Variants in TJP2 observed in about 807,000 individuals in gnomAD.
The protein encoded by TJP2 is Friedreich ataxia region gene X104 (tight junction protein ZO-2).
In TJP2, 91 loss-of-function variants were observed where a neutral mutation model predicts 133.1. The ratio of observed to expected loss-of-function variants is 0.68; its 90% confidence interval spans 0.58 to 0.81. The LOEUF (loss-of-function observed/expected upper bound fraction) is 0.81, where lower values mean the gene tolerates loss of function less well. Ranked by LOEUF, TJP2 falls within the 40% of genes least tolerant of loss-of-function variation. The probability of loss-of-function intolerance (pLI) is 0.00; values close to 1 mark genes in which losing one functional copy is unlikely to be tolerated. For synonymous variants in TJP2, 592 were observed against 583.4 expected, an observed-to-expected ratio of 1.01 and a Z score of -0.21; for missense variants, 1,541 against 1,565.6, an observed-to-expected ratio of 0.98 and a Z score of 0.26.
At chr9:69,132,888 C>T (rs1365455519) in intron 1 of TJP2, among the ~76,000 whole-genome samples, 10 of 152,226 alleles carry the variant, frequency 6.6e-5, no homozygotes, top group Non-Finnish European at 1.3e-4. Context: ...TACTTATTAC[C>T]TGTGTGCCTT....
intron 1 of TJP2, among the ~76,000 whole-genome samples, chr9:69,211,336 C>CAAACA (rs962921858): frequency 2.6e-4 from 39 of 152,174 alleles, no homozygotes; most frequent in Non-Finnish European, 3.8e-4. Flanking sequence ...GACTCCGTCT[C>CAAACA]AAACAAAACA....
chr9:69,215,392 T>A (rs2309426), intron 2 of TJP2, among the ~76,000 whole-genome samples: 2 of 150,364 alleles, frequency 1.3e-5, no homozygotes, highest in African/African-American at 4.9e-5. Flanking sequence ...AAGTTGTGGT[T>A]TTTTTTTTTT....
chr9:69,191,817 A>G (rs749214709), intron 1 of TJP2, among the ~76,000 whole-genome samples: 1 of 151,580 alleles, frequency 6.6e-6, no homozygotes, highest in African/African-American at 2.4e-5. Context: ...GCTCATTGCA[A>G]CCTCCACCTC....
chr9:69,192,003 G>T (rs997211572), intron 1 of TJP2, among the ~76,000 whole-genome samples: 9 of 152,096 alleles, frequency 5.9e-5, no homozygotes, highest in Admixed American at 2.6e-4. Context: ...CTCCCAAAGT[G>T]CTGGGATTAC....
rs1831300298 is a variant in TJP2 at position 69,251,132 on chromosome 9, C to T, written c.3089C>T (p.Ala1030Val). ...GTTGCTGGTAATGAAACTCCTGGGGCATCTACCAAAGGTTATCCTCCTCCT... is the reference window on the plus strand; with the variant it reads ...GTTGCTGGTAATGAAACTCCTGGGGTATCTACCAAAGGTTATCCTCCTCCT... ...SAVAGNETPG[A>V]STKGYPPPVA... Residue 1030 changes from alanine (A) to valine (V), a missense_variant, in exon 21 of 23, where the codon GCA (alanine) becomes GTA (valine). Coordinates refer to ENST00000377245, the MANE Select transcript of TJP2 (RefSeq NM_004817.4). 6.2e-7 allele frequency: 1 copy of T among 1,614,028 alleles called. No individual in the cohort carries two copies. Among genetic ancestry groups the T allele is most frequent in the South Asian group, 1.1e-5 (1 of 91,080 alleles).
At position 69,230,130 on chromosome 9, in the gene TJP2, C is replaced by T. The variant is rs750197439; in HGVS notation, c.1569C>T (p.Leu523=). The part of the protein sequence containing the change: ...VRFKKGDSVG[L]RLAGGNDVGI... ...TCAAGAAGGGAGACAGCGTGGGCCTCCGGTTGGCTGGTGGCAATGATGTCG... is the reference window on the plus strand; with the variant it reads ...TCAAGAAGGGAGACAGCGTGGGCCTTCGGTTGGCTGGTGGCAATGATGTCG... Residue 523 remains leucine (L), a synonymous_variant, in exon 11 of 23, where the codon CTC becomes CTT. Coordinates refer to ENST00000377245, the MANE Select transcript of TJP2 (RefSeq NM_004817.4). 1.9e-6 allele frequency: 3 copies of T among 1,614,168 alleles called. No homozygotes were observed. The highest frequency in any genetic ancestry group is 4.5e-5 in the East Asian group (2 of 44,892).
Position 69,233,778 on chromosome 9 carries a change from A to AG in TJP2, c.1672-661_1672-660insG, listed in dbSNP as rs1829964571. Among the ~76,000 whole-genome samples, 3 of 150,846 alleles carry AG rather than the reference A, an allele frequency of 2.0e-5. 1 individual carries two copies. Among genetic ancestry groups the AG allele is most frequent in the Admixed American group, 2.0e-4 (3 of 15,102 alleles). On this transcript the variant is annotated intron_variant, in intron 11 of 22. Transcript: ENST00000377245. The stretch of plus-strand genomic sequence containing the variant: ...GGCGACAGAGGGAGACTACATCTCA[A>AG]AAAAAAAAACCACATAGCACTATGA...
At position 69,130,458 on chromosome 9, in the gene TJP2, G is replaced by A. The variant is rs138179546; in HGVS notation, c.-131+8733G>A. On this transcript the variant is annotated intron_variant, in intron 1 of 5. Transcript: ENST00000423935. ...AAGGCTTGTCAAAATACAGATTGCA[G>A]GCCCCCCTCCTGGAGTTTCTGATTG... is the stretch of plus-strand genomic sequence containing the variant. 3.0e-3 allele frequency among the ~76,000 whole-genome samples: 461 copies of A among 152,290 alleles called. 2 individuals are homozygous for A. Among genetic ancestry groups the A allele is most frequent in the African/African-American group, 0.011 (437 of 41,572 alleles).
At chr9:69,177,479 A>G (rs1160519141) in intron 1 of TJP2, among the ~76,000 whole-genome samples, 1 of 152,156 alleles carries the variant, frequency 6.6e-6, no homozygotes, top group Non-Finnish European at 1.5e-5. Flanking sequence ...TTTTGCAATC[A>G]GCCTTTTTAG....
chr9:69,196,265 T>C (rs1826552712), intron 1 of TJP2, among the ~76,000 whole-genome samples: 1 of 152,242 alleles, frequency 6.6e-6, no homozygotes, highest in Admixed American at 6.5e-5. Context: ...AGTTAGAATC[T>C]GTCCTCTGCC....
At chr9:69,220,549 A>G (rs1014916117) in intron 4 of TJP2, among the ~76,000 whole-genome samples, 2 of 152,208 alleles carry the variant, frequency 1.3e-5, no homozygotes, top group Non-Finnish European at 1.5e-5. Flanking sequence ...CTTGGCAGCT[A>G]TGTATAGAAT....
upstream of TJP2, among the ~76,000 whole-genome samples, chr9:69,169,569 A>G (rs1824565755): frequency 6.6e-6 from 1 of 152,086 alleles, no homozygotes. Context: ...CATGTTAGTC[A>G]GGGTGGTCTC....
chr9:69,169,374 G>GT (rs1002597514), upstream of TJP2, among the ~76,000 whole-genome samples: 1 of 149,322 alleles, frequency 6.7e-6, no homozygotes, highest in African/African-American at 2.5e-5. Flanking sequence ...TTTTTTGGGG[G>GT]GGGGATGGAG....
chr9:69,150,020 C>A (rs1488656272), intron 1 of TJP2, among the ~76,000 whole-genome samples: 1 of 151,836 alleles, frequency 6.6e-6, no homozygotes, highest in African/African-American at 2.4e-5. Context: ...CGTGGTGGCA[C>A]GTGCCTGTAA....
At chr9:69,203,618 T>TC (rs1827171240) in intron 1 of TJP2, among the ~76,000 whole-genome samples, 1 of 134,950 alleles carries the variant, frequency 7.4e-6, no homozygotes, top group Non-Finnish European at 1.6e-5. Flanking sequence ...TTTTTTTTTT[T>TC]TTTTTTTTTT....
At position 69,184,672 on chromosome 9, in the gene TJP2, G is replaced by A. The variant is rs138356988; in HGVS notation, c.60+10240G>A. Among the ~76,000 whole-genome samples, 192 of 152,136 alleles carry A rather than the reference G, an allele frequency of 1.3e-3. 1 individual carries two copies. The South Asian group carries it at 0.028, about 23-fold the overall frequency. On this transcript the variant is annotated intron_variant, in intron 1 of 22. Transcript: ENST00000377245. ...GTTGCTTTGAGGTGCTCAGTAAATGGCAGTGGTTATAATTTATTATTTTCA... is the reference window on the plus strand; with the variant it reads ...GTTGCTTTGAGGTGCTCAGTAAATGACAGTGGTTATAATTTATTATTTTCA...
In TJP2 at chr9:69,248,244, G is replaced by T; in HGVS notation, c.2880+20G>T. 1 of 1,570,248 alleles carries T rather than the reference G, an allele frequency of 6.4e-7. No individual in the cohort carries two copies. Among genetic ancestry groups the T allele is most frequent in the Non-Finnish European group, 8.7e-7 (1 of 1,155,996 alleles). On this transcript the variant is annotated intron_variant, in intron 19 of 22. Transcript: ENST00000377245. ...GAGGAGGTGAGGCGAGGCAGGCCACGGGCAGGAACAGGAGAGCCTGGTGTT... is the reference window on the plus strand; with the variant it reads ...GAGGAGGTGAGGCGAGGCAGGCCACTGGCAGGAACAGGAGAGCCTGGTGTT...
intron 2 of TJP2, among the ~76,000 whole-genome samples, chr9:69,154,703 G>T (rs906349060): frequency 2.0e-5 from 3 of 149,486 alleles, no homozygotes; most frequent in Non-Finnish European, 4.5e-5. Flanking sequence ...GGCAGGAGGA[G>T]CCCTTGAGCC....
intron 2 of TJP2, among the ~76,000 whole-genome samples, chr9:69,168,336 G>T (rs1824470364): frequency 6.6e-6 from 1 of 152,090 alleles, no homozygotes; most frequent in Non-Finnish European, 1.5e-5. Context: ...CAATTCACAG[G>T]TCTATTATTT....
Sources: gnomAD v4.1 joint callset for allele counts (sites outside exome capture counted in the v4.1 genomes callset) on GRCh38, gnomAD v4.1.1 for gene constraint, MANE v1.5 for transcripts, NCBI Gene and HGNC (gene_info 2026-07-23, HGNC 2026-07-21) for gene names.